Variants in VAT1 observed in about 807,000 individuals in gnomAD.
VAT1 encodes NADPH-dependent quinone oxidoreductase VAT1.
In VAT1, 24 loss-of-function variants were observed where a neutral mutation model predicts 33.3. That is an observed-to-expected ratio of 0.72 (90% confidence interval 0.52 to 1.01). The LOEUF is 1.01. VAT1 is among the 50% of genes least tolerant of loss of function. The probability of loss-of-function intolerance (pLI) is 0.00; values close to 1 mark genes in which losing one functional copy is unlikely to be tolerated. For synonymous variants in VAT1, 212 were observed against 225.0 expected, an observed-to-expected ratio of 0.94 and a Z score of 0.52; for missense variants, 436 against 533.7, an observed-to-expected ratio of 0.82 and a Z score of 1.80.
rs2050576348 is a variant in VAT1 at position 43,022,203 on chromosome 17, G to A, written c.120C>T (p.Ala40=). The change falls in exon 1 of 6, where the codon GCC becomes GCT. Residue 40 remains alanine, a synonymous_variant. Coordinates refer to ENST00000355653, the MANE Select transcript of VAT1 (RefSeq NM_006373.4). ...QHPAASEGAA[A]AAASPPLLRC... ...GCAGCAGTGGCGGCGAGGCGGCGGC[G>A]GCGGCGGCCCCTTCGGAGGCCGCGG... 6.4e-7 allele frequency: 1 copy of A among 1,558,114 alleles called. No individual in the cohort carries two copies. The highest frequency in any genetic ancestry group is 8.7e-7 in the Non-Finnish European group (1 of 1,151,786).
Position 43,017,916 on chromosome 17 carries a change from T to C in VAT1, c.781A>G (p.Met261Val), listed in dbSNP as rs1171914473. The C allele has an allele frequency of 1.9e-6, 3 of 1,614,168 alleles. No homozygotes were observed. The highest frequency in any genetic ancestry group is 4.5e-5 in the East Asian group (2 of 44,878). Residue 261 changes from methionine (M) to valine (V), a missense_variant, in exon 4 of 6, where the codon ATG (methionine) becomes GTG (valine). This residue lies in a region of VAT1 where 282 missense variants were observed against 405.4 expected (regional missense o/e 0.70). Transcript: ENST00000355653. ...GTATCTGACCCACCCAGAGGGTCCA[T>C]GACAATGTCCACTCCTGTCATAGAG... Reference protein sequence around the residue: ...KISPKGVDIVMDPLGGSDTAK... With the variant: ...KISPKGVDIVVDPLGGSDTAK...
chr17:43,018,679 G>A lies in VAT1; in HGVS notation c.508C>T (p.Leu170Phe). 6.2e-7 allele frequency: 1 copy of A among 1,614,180 alleles called. No homozygotes were observed. Residue 170 changes from leucine to phenylalanine, a missense_variant, in exon 2 of 6, where the codon CTC becomes TTC. By Grantham distance (22) the Leu-to-Phe change is conservative. This residue lies in a region of VAT1 where 282 missense variants were observed against 405.4 expected (regional missense o/e 0.70). Coordinates refer to ENST00000355653, the MANE Select transcript of VAT1 (RefSeq NM_006373.4). ...AMTFEEAAAL[L>F]VNYITAYMVL... The stretch of plus-strand genomic sequence containing the variant: ...ATGTAGGCTGTAATGTAATTGACGA[G>A]CAAGGCAGCAGCTTCCTCAAAGGTC...
At chr17:43,021,223 G>C (rs2050564183) in intron 1 of VAT1, among the ~76,000 whole-genome samples, 1 of 152,226 alleles carries the variant, frequency 6.6e-6, no homozygotes, top group Non-Finnish European at 1.5e-5. Context: ...TGAGGGCTGA[G>C]TCACAGGAGG....
chr17:43,016,018 A>T lies in VAT1; in HGVS notation c.*43T>A. The T allele has an allele frequency of 2.5e-6, 4 of 1,607,002 alleles. No homozygotes were observed. Among genetic ancestry groups the T allele is most frequent in the Non-Finnish European group, 3.4e-6 (4 of 1,174,612 alleles). On this transcript the variant is annotated 3_prime_UTR_variant, in exon 6 of 6. Coordinates refer to ENST00000355653, the MANE Select transcript of VAT1 (RefSeq NM_006373.4). ...GTGGCCAACAGAACGTAGCTTCCCA[A>T]CTTCTCCCTTCGCTGGTCTCTAGGG... is the stretch of plus-strand genomic sequence containing the variant.
chr17:43,017,220 C>A (rs1423967410), intron 4 of VAT1, among the ~76,000 whole-genome samples: 1 of 148,330 alleles, frequency 6.7e-6, no homozygotes, highest in Admixed American at 6.8e-5. Flanking sequence ...ATGCACCCTG[C>A]CTAAGATGCT....
At chr17:43,018,916 A>G in intron 1 of VAT1, 117 bp from the exon 2 acceptor site, 2 of 896,998 alleles carry the variant, frequency 2.2e-6, no homozygotes, top group East Asian at 5.3e-5. Context: ...GAGAAGCAGC[A>G]ATAGTCATGG....
At position 43,016,374 on chromosome 17, in the gene VAT1, C is replaced by T. The variant is rs753506380; in HGVS notation, c.1031G>A (p.Arg344His). The change falls in exon 5 of 6, where the codon CGC (arginine) becomes CAC (histidine). Residue 344 changes from arginine (R) to histidine (H), a missense_variant. By Grantham distance (29) the Arg-to-His change is conservative. Coordinates refer to ENST00000355653, the MANE Select transcript of VAT1 (RefSeq NM_006373.4). ...GCCCTGGTTGTACAGAGCCAGGAGGCGGGCCACCACACCACTGACCAGCTC... is the reference window on the plus strand; with the variant it reads ...GCCCTGGTTGTACAGAGCCAGGAGGTGGGCCACCACACCACTGACCAGCTC... ...EVELVSGVVA[R>H]LLALYNQGHI... 8.7e-6 allele frequency: 14 copies of T among 1,612,940 alleles called. No individual in the cohort carries two copies. The highest frequency in any genetic ancestry group is 1.6e-4 in the Middle Eastern group (1 of 6,084).
At chr17:43,016,578 C>A (rs771021229) in intron 4 of VAT1, 30 bp from the exon 5 acceptor site, 2 of 1,605,834 alleles carry the variant, frequency 1.2e-6, no homozygotes, top group South Asian at 2.2e-5. Context: ...AGCCTGTGAA[C>A]CCCCCCAGGC....
chr17:43,017,938 A>T lies in VAT1; in HGVS notation c.767-8T>A, dbSNP rs2151970984. The T allele has an allele frequency of 1.2e-6, 2 of 1,614,048 alleles. No individual in the cohort carries two copies. The highest frequency in any genetic ancestry group is 4.5e-5 in the East Asian group (2 of 44,872). ...CCATGACAATGTCCACTCCTGTCAT[A>T]GAGTAGGGGAACCCAAGAACAACAT... On this transcript the variant is annotated splice_region_variant and splice_polypyrimidine_tract_variant and intron_variant, in intron 3 of 5. Transcript: ENST00000355653.
At position 43,020,874 on chromosome 17, in the gene VAT1, TA is replaced by T. The variant is rs57324710; in HGVS notation, c.387+1061del. On this transcript the variant is annotated intron_variant, in intron 1 of 5. Coordinates refer to ENST00000355653, the MANE Select transcript of VAT1 (RefSeq NM_006373.4). ...TGGGCAACAAGAGCGAAACTCCGTC[TA>T]AAAAAAAAAAAAAAAAAAAAGAAAA... Among the ~76,000 whole-genome samples the T allele has an allele frequency of 5.1e-3, 511 of 100,132 alleles. 3 individuals are homozygous for T. The highest frequency in any genetic ancestry group is 0.014 in the African/African-American group (393 of 28,482). The allele number at this position is 100,132 out of a possible 152,430, so 65.7% of individuals were successfully genotyped here.
intron 1 of VAT1, 147 bp from the exon 2 acceptor site, chr17:43,018,946 A>C: frequency 1.3e-6 from 1 of 756,180 alleles, no homozygotes; most frequent in Non-Finnish European, 2.1e-6. Flanking sequence ...TAATAATAAC[A>C]TCATCATCAA....
intron 5 of VAT1, 49 bp from the exon 6 acceptor site, chr17:43,016,193 C>T: frequency 6.2e-7 from 1 of 1,613,336 alleles, no homozygotes; most frequent in East Asian, 2.2e-5. Flanking sequence ...AACCCTCATC[C>T]AACAAGAGCC....
intron 1 of VAT1, among the ~76,000 whole-genome samples, chr17:43,019,933 A>C (rs1482599500): frequency 1.3e-5 from 2 of 151,870 alleles, no homozygotes; most frequent in South Asian, 2.1e-4. Context: ...AAGCCCCCAC[A>C]CTCCACTGAA....
intron 1 of VAT1, among the ~76,000 whole-genome samples, chr17:43,021,218 G>A (rs1051707148): frequency 6.6e-6 from 1 of 152,220 alleles, no homozygotes; most frequent in Admixed American, 6.5e-5. Context: ...AAGGCTGAGG[G>A]CTGAGTCACA....
At position 43,022,367 on chromosome 17, in the gene VAT1, C is replaced by A; in HGVS notation, c.-45G>T. 6.7e-7 allele frequency: 1 copy of A among 1,486,558 alleles called. No individual in the cohort carries two copies. Among genetic ancestry groups the A allele is most frequent in the Non-Finnish European group, 8.9e-7 (1 of 1,121,522 alleles). 92.1% of individuals were successfully genotyped at this position (1,486,558 alleles called of 1,614,324 possible). ...AGCGCACAGCTGGATGGAGAGTGCA[C>A]AGCTGGGGAAGGCGGAACGCGTCGG... On this transcript the variant is annotated 5_prime_UTR_variant, in exon 1 of 6. Coordinates refer to ENST00000355653, the MANE Select transcript of VAT1 (RefSeq NM_006373.4).
In VAT1 at chr17:43,014,937, C is replaced by T. The variant is rs2050508602; in HGVS notation, c.*1124G>A. ...TTGGGCTGAGTTTGATAAGCTGCCT[C>T]TCTGCTTTGAGAAGGCAGTAGGGCC... On this transcript the variant is annotated 3_prime_UTR_variant, in exon 6 of 6. Transcript: ENST00000355653. 6.5e-6 allele frequency: 1 copy of T among 152,738 alleles called. No homozygotes were observed. 9.5% of individuals were successfully genotyped at this position (152,738 alleles called of 1,614,324 possible). A position where few individuals can be genotyped will look rare whatever the true frequency, so the allele number is the denominator to read the frequency against.
At chr17:43,019,606 C>G (rs901415647) in intron 1 of VAT1, 4 of 152,414 alleles carry the variant, frequency 2.6e-5, no homozygotes, top group African/African-American at 9.7e-5. Flanking sequence ...GAGGCCTACG[C>G]AGCAGTAAAA....
chr17:43,021,506 A>C (rs1300234094), intron 1 of VAT1, among the ~76,000 whole-genome samples: 1 of 150,802 alleles, frequency 6.6e-6, no homozygotes, highest in East Asian at 2.0e-4. Context: ...ATAGCCCCTC[A>C]AGCTCCCTCG....
At chr17:43,019,072 C>G in intron 1 of VAT1, 1 of 489,806 alleles carries the variant, frequency 2.0e-6, no homozygotes, top group South Asian at 2.3e-5. Flanking sequence ...AGATACTATC[C>G]TTATCATCTT....
Sources: gnomAD v4.1 joint callset for allele counts (sites outside exome capture counted in the v4.1 genomes callset) on GRCh38, gnomAD v4.1.1 for gene constraint, gnomAD v4.1.1 regional missense constraint, MANE v1.5 for transcripts, NCBI Gene and HGNC (gene_info 2026-07-23, HGNC 2026-07-21) for gene names.